Variants in FMN1 observed in about 807,000 individuals in gnomAD.
The protein encoded by FMN1 is formin 1.
FMN1 carries 110 observed loss-of-function variants against 132.4 expected under a neutral mutation model. The ratio of observed to expected loss-of-function variants is 0.83; its 90% CI spans 0.71 to 0.97. The LOEUF (loss-of-function observed/expected upper bound fraction) is 0.97, where lower values mean the gene tolerates loss of function less well. Among genes scored for constraint, FMN1 ranks in the 50% least tolerant of loss-of-function variants. The pLI, the probability that FMN1 is intolerant of heterozygous loss-of-function variation, is 0.00. For missense variants in FMN1, 1,792 were observed against 1,705.3 expected (o/e 1.05, Z -0.90); for synonymous variants, 722 against 651.7 (o/e 1.11, Z -1.64).
intron 8 of FMN1, among the ~76,000 whole-genome samples, chr15:32,966,098 G>T (rs1272000493): frequency 6.6e-6 from 1 of 152,104 alleles, no homozygotes; most frequent in Non-Finnish European, 1.5e-5. Context: ...GCAGCTAAGG[G>T]GTGACGTCTA....
chr15:33,166,828 G>T (rs1448375035), intron 3 of FMN1, among the ~76,000 whole-genome samples: 1 of 152,110 alleles, frequency 6.6e-6, no homozygotes, highest in African/African-American at 2.4e-5. Context: ...TGCTTAAACA[G>T]AAAGATCTAC....
intron 9 of FMN1, among the ~76,000 whole-genome samples, chr15:32,931,843 G>A (rs1257430974): frequency 6.6e-6 from 1 of 152,098 alleles, no homozygotes; most frequent in Admixed American, 6.6e-5. Context: ...TTAGCATATG[G>A]TCTTTATTTC....
chr15:33,153,176 G>A lies in FMN1; in HGVS notation c.1739C>T (p.Thr580Met), dbSNP rs1313604396. The A allele has an allele frequency of 3.9e-6, 6 of 1,535,998 alleles. No individual in the cohort carries two copies. The African/African-American group carries it at 4.1e-5, about 11-fold the overall frequency. Reference sequence around the variant, plus strand: ...GGCCGGGCTGGCTCCTTTGGTCTCCGTGACCTTTGCAGAGGATGGTGGCTC... The same window carrying A: ...GGCCGGGCTGGCTCCTTTGGTCTCCATGACCTTTGCAGAGGATGGTGGCTC... ...TLEPPSSAKV[T>M]ETKGASPAFL... Residue 580 changes from threonine to methionine, a missense_variant, in exon 4 of 21, where the codon ACG (threonine) becomes ATG (methionine). Coordinates refer to ENST00000616417, the MANE Select transcript of FMN1 (RefSeq NM_001277313.2).
At chr15:33,004,410 A>G (rs2034296727) in intron 7 of FMN1, among the ~76,000 whole-genome samples, 3 of 152,238 alleles carry the variant, frequency 2.0e-5, no homozygotes, top group Non-Finnish European at 4.4e-5. Context: ...AAAAGAAGAC[A>G]TTTATGCAGC....
chr15:32,916,668 C>A (rs1424325459), intron 10 of FMN1, among the ~76,000 whole-genome samples: 1 of 151,932 alleles, frequency 6.6e-6, no homozygotes, highest in Non-Finnish European at 1.5e-5. Context: ...AAGCCTCTTG[C>A]ACAAAGCGGG....
Position 32,888,271 on chromosome 15 carries a change from C to A in FMN1, c.3736G>T (p.Val1246Phe), listed in dbSNP as rs757468894. 6 of 1,612,332 alleles carry A rather than the reference C, an allele frequency of 3.7e-6. No individual in the cohort carries two copies. The South Asian group carries it at 6.6e-5, about 18-fold the overall frequency. Residue 1246 changes from valine to phenylalanine, a missense_variant, in exon 16 of 21, where the codon GTT becomes TTT. Physicochemically the swap from Val to Phe is conservative, Grantham distance 50. This residue lies in a region of FMN1 where 1,150 missense variants were observed against 1,043.1 expected (regional missense o/e 1.10). Coordinates refer to ENST00000616417, the MANE Select transcript of FMN1 (RefSeq NM_001277313.2). ...TCCTGTGGTTCCGGCAAGGGGAAAA[C>A]ACTCTTTTCTGTTCCAGCTTCCTAA... The part of the protein sequence containing the change: ...YDQEAGTEKS[V>F]FPLPEPQDFF...
chr15:32,885,111 C>T (rs2059864369), intron 16 of FMN1, among the ~76,000 whole-genome samples: 1 of 152,196 alleles, frequency 6.6e-6, no homozygotes, highest in African/African-American at 2.4e-5. Context: ...ACCAGTAAAA[C>T]ATACACATCT....
In FMN1 at chr15:33,066,828, T is replaced by G. The variant is rs1034332019; in HGVS notation, c.2044-1754A>C. 2 of 1,613,990 alleles carry G rather than the reference T, an allele frequency of 1.2e-6. No homozygotes were observed. On this transcript the variant is annotated intron_variant, in intron 5 of 20. Transcript: ENST00000616417. Reference sequence around the variant, plus strand: ...GCTCCCTTCGGTTCAGTTTTGGGCATGTCAATGTTGAGCAGCAGAGAGAGC... The same window carrying G: ...GCTCCCTTCGGTTCAGTTTTGGGCAGGTCAATGTTGAGCAGCAGAGAGAGC...
At chr15:32,997,080 T>C (rs1486875031) in intron 7 of FMN1, among the ~76,000 whole-genome samples, 1 of 152,128 alleles carries the variant, frequency 6.6e-6, no homozygotes, top group Non-Finnish European at 1.5e-5. Flanking sequence ...GAGATTCAGG[T>C]TTCAAATCTC....
chr15:33,027,231 G>GTGCC (rs2035719641), intron 6 of FMN1, among the ~76,000 whole-genome samples: 1 of 152,104 alleles, frequency 6.6e-6, no homozygotes, highest in Non-Finnish European at 1.5e-5. Context: ...CCTCCACAGG[G>GTGCC]TGCCAGGAGA....
At chr15:33,168,373 C>T (rs1965189951) in intron 3 of FMN1, among the ~76,000 whole-genome samples, 1 of 152,130 alleles carries the variant, frequency 6.6e-6, no homozygotes, top group Non-Finnish European at 1.5e-5. Flanking sequence ...CTATGTGCCC[C>T]TTGATCAGAA....
intron 7 of FMN1, among the ~76,000 whole-genome samples, chr15:32,993,443 T>C (rs2033564916): frequency 6.6e-6 from 1 of 151,200 alleles, no homozygotes. Flanking sequence ...TACAGACACC[T>C]ACTGCAGCTT....
intron 6 of FMN1, among the ~76,000 whole-genome samples, chr15:33,032,358 A>C (rs2035977969): frequency 6.6e-6 from 1 of 152,242 alleles, no homozygotes; most frequent in African/African-American, 2.4e-5. Flanking sequence ...CAATAGCAAA[A>C]ATAAATATTA....
At chr15:32,931,625 A>C (rs147970532) in intron 9 of FMN1, among the ~76,000 whole-genome samples, 2 of 152,198 alleles carry the variant, frequency 1.3e-5, no homozygotes, top group Non-Finnish European at 2.9e-5. Flanking sequence ...GGTTTTCTAC[A>C]TATAAGATCA....
intron 16 of FMN1, among the ~76,000 whole-genome samples, chr15:32,872,798 C>T (rs1425115848): frequency 2.0e-5 from 3 of 152,204 alleles, no homozygotes; most frequent in Admixed American, 6.5e-5. Context: ...GTTTCTCTGA[C>T]CTCTGAGCCC....
chr15:33,044,928 G>A (rs749401105), intron 6 of FMN1, among the ~76,000 whole-genome samples: 1 of 152,198 alleles, frequency 6.6e-6, no homozygotes, highest in Non-Finnish European at 1.5e-5. Flanking sequence ...CCTGCCAAAT[G>A]GCAGGGCTGA....
chr15:32,880,744 T>C (rs1328064149), intron 16 of FMN1, among the ~76,000 whole-genome samples: 2 of 152,232 alleles, frequency 1.3e-5, no homozygotes, highest in Non-Finnish European at 2.9e-5. Flanking sequence ...AGAATCCTGA[T>C]GCATTTGTAG....
chr15:32,837,043 C>A, intron 17 of FMN1: 1 of 230,902 alleles, frequency 4.3e-6, no homozygotes, highest in South Asian at 8.1e-5. Context: ...AGGAATCCAT[C>A]TTCATCCTTC....
At chr15:32,980,212 A>C (rs1336196382) in intron 7 of FMN1, among the ~76,000 whole-genome samples, 2 of 150,126 alleles carry the variant, frequency 1.3e-5, no homozygotes, top group African/African-American at 5.0e-5. Context: ...AAGATGCCAG[A>C]AAGGGATCAC....
Sources: gnomAD v4.1 joint callset for allele counts (sites outside exome capture counted in the v4.1 genomes callset) on GRCh38, gnomAD v4.1.1 for gene constraint, gnomAD v4.1.1 regional missense constraint, MANE v1.5 for transcripts, NCBI Gene and HGNC (gene_info 2026-07-23, HGNC 2026-07-21) for gene names.